The following MAF variants were observed in gnomAD, a reference collection of about 807,000 sequenced individuals.
The protein encoded by MAF is transcription factor Maf.
A neutral mutation model predicts 22.0 loss-of-function variants in MAF; 10 were observed. The observed-to-expected ratio is 0.45, with a 90% CI of 0.28 to 0.77. The LOEUF (loss-of-function observed/expected upper bound fraction) is 0.77. Ranked by LOEUF, MAF falls within the 30% of genes least tolerant of loss-of-function variation. The pLI is 0.12. For synonymous variants in MAF, 337 were observed against 255.8 expected, an observed-to-expected ratio of 1.32 and a Z score of -3.03; for missense variants, 544 against 548.4, an observed-to-expected ratio of 0.99 and a Z score of 0.08.
At chr16:79,212,637 A>G in the MAF span, 1 of 150,774 alleles carries the variant, frequency 6.6e-6, no homozygotes, top group Non-Finnish European at 1.5e-5. Flanking sequence ...CTCGCATCCT[A>G]TGCTTAATAA....
At position 79,599,161 on chromosome 16, in the gene MAF, G is replaced by T. The variant is rs1267058889; in HGVS notation, c.742C>A (p.Pro248Thr). Reference protein sequence around the residue: ...GAAGAGGALHPHHAAGGLHFD... With the variant: ...GAAGAGGALHTHHAAGGLHFD... ...TGCAGGCCGCCGGCGGCGTGGTGCG[G>T]GTGCAGGGCGCCCCCCGCCCCCGCC... Residue 248 changes from proline to threonine, a missense_variant, in exon 1 of 2, where the codon CCG (proline) becomes ACG (threonine). This residue lies in a region of MAF where 342 missense variants were observed against 315.5 expected (regional missense o/e 1.08). Transcript: ENST00000326043. The T allele has an allele frequency of 1.5e-5, 22 of 1,437,980 alleles. No individual in the cohort carries two copies. The highest frequency in any genetic ancestry group is 2.8e-5 in the East Asian group (1 of 36,038). The allele number at this position is 1,437,980 out of a possible 1,614,324, so 89.1% of individuals were successfully genotyped here.
the MAF span, among the ~76,000 whole-genome samples, chr16:79,477,563 G>C: frequency 1.3e-5 from 2 of 152,134 alleles, no homozygotes; most frequent in African/African-American, 4.8e-5. Context: ...GGTCACAGTT[G>C]CCTTATGAAC....
At chr16:79,307,218 C>T in the MAF span, among the ~76,000 whole-genome samples, 1 of 152,338 alleles carries the variant, frequency 6.6e-6, no homozygotes, top group African/African-American at 2.4e-5. Flanking sequence ...GCTCTGACCT[C>T]ACACGAGCTG....
the MAF span, among the ~76,000 whole-genome samples, chr16:79,501,392 T>C: frequency 2.6e-5 from 4 of 152,166 alleles, no homozygotes; most frequent in African/African-American, 9.7e-5. Context: ...TCCAAATAAG[T>C]TCACATTCTG....
At chr16:79,314,494 G>C in the MAF span, among the ~76,000 whole-genome samples, 1 of 152,198 alleles carries the variant, frequency 6.6e-6, no homozygotes, top group South Asian at 2.1e-4. Context: ...TCAGGGGTCA[G>C]CTTTCCCCAG....
At chr16:79,461,801 C>T in the MAF span, among the ~76,000 whole-genome samples, 131 of 152,252 alleles carry the variant, frequency 8.6e-4, no homozygotes, top group East Asian at 4.6e-3. Context: ...CCTATGTAAG[C>T]GAGACCCATC....
the MAF span, among the ~76,000 whole-genome samples, chr16:79,346,315 T>A: frequency 6.6e-6 from 1 of 152,090 alleles, no homozygotes; most frequent in East Asian, 1.9e-4. Flanking sequence ...CTGAGAATGA[T>A]GGTTTCCAGC....
chr16:79,368,948 G>A, the MAF span, among the ~76,000 whole-genome samples: 1 of 152,114 alleles, frequency 6.6e-6, no homozygotes, highest in African/African-American at 2.4e-5. Flanking sequence ...ACCATAAGTT[G>A]TTTTTTGTTG....
At chr16:79,431,753 C>T in the MAF span, among the ~76,000 whole-genome samples, 7 of 152,192 alleles carry the variant, frequency 4.6e-5, no homozygotes, top group African/African-American at 1.7e-4. Context: ...AAGATCAGGA[C>T]TTTTCTGCAC....
chr16:79,320,213 G>A, the MAF span, among the ~76,000 whole-genome samples: 2 of 152,288 alleles, frequency 1.3e-5, no homozygotes, highest in Non-Finnish European at 2.9e-5. Context: ...GTGACAGAGT[G>A]ATCTTTGTCT....
the MAF span, among the ~76,000 whole-genome samples, chr16:79,513,334 G>A: frequency 0.22 from 32,942 of 152,200 alleles, 4,051 homozygotes; most frequent in Non-Finnish European, 0.29. Flanking sequence ...GGCCAAAAGC[G>A]TGTCACAAAA....
chr16:79,524,719 G>T, the MAF span, among the ~76,000 whole-genome samples: 2 of 152,296 alleles, frequency 1.3e-5, no homozygotes, highest in African/African-American at 4.8e-5. Flanking sequence ...AAATCATTCT[G>T]TTATCATCTA....
At chr16:79,211,831 C>A in the MAF span, 1 of 1,613,006 alleles carries the variant, frequency 6.2e-7, no homozygotes, top group South Asian at 1.1e-5. Context: ...ACACACCCGC[C>A]CTGTGTGTGT....
At chr16:79,264,284 A>G in the MAF span, among the ~76,000 whole-genome samples, 1 of 152,218 alleles carries the variant, frequency 6.6e-6, no homozygotes, top group Non-Finnish European at 1.5e-5. Flanking sequence ...TAAGGGAACT[A>G]AAAACAACTG....
chr16:79,584,446 C>T (rs968523164), downstream of MAF, among the ~76,000 whole-genome samples: 1 of 152,190 alleles, frequency 6.6e-6, no homozygotes, highest in African/African-American at 2.4e-5. Flanking sequence ...CTCTTCCTTG[C>T]TCTCACCTGT....
chr16:79,439,337 C>G, the MAF span, among the ~76,000 whole-genome samples: 2 of 149,328 alleles, frequency 1.3e-5, no homozygotes, highest in Non-Finnish European at 1.5e-5. Context: ...TCTTGGCTCA[C>G]TGCAAGCTCT....
At chr16:79,439,867 A>G in the MAF span, among the ~76,000 whole-genome samples, 3 of 152,330 alleles carry the variant, frequency 2.0e-5, no homozygotes, top group Admixed American at 2.0e-4. Flanking sequence ...CAATATATTA[A>G]TCACAGAAAA....
At position 79,599,437 on chromosome 16, in the gene MAF, C is replaced by G; in HGVS notation, c.466G>C (p.Glu156Gln). Residue 156 changes from glutamate to glutamine, a missense_variant, in exon 1 of 2, where the codon GAG (glutamate) becomes CAG (glutamine). By Grantham distance (29) the Glu-to-Gln change is conservative. This residue lies in a region of MAF where 342 missense variants were observed against 315.5 expected (regional missense o/e 1.08). Transcript: ENST00000326043. The part of the protein sequence containing the change: ...AGASLGGSGE[E>Q]MGPAAAVVSA... Reference sequence around the variant, plus strand: ...ACCACGGCGGCGGCGGGGCCCATCTCCTCGCCGCTGCCGCCCAAGGAGGCG... The same window carrying G: ...ACCACGGCGGCGGCGGGGCCCATCTGCTCGCCGCTGCCGCCCAAGGAGGCG... 8.1e-7 allele frequency: 1 copy of G among 1,238,682 alleles called. No homozygotes were observed. The highest frequency in any genetic ancestry group is 1.6e-5 in the African/African-American group (1 of 63,528). The allele number at this position is 1,238,682 out of a possible 1,614,324, so 76.7% of individuals were successfully genotyped here. A position where few individuals can be genotyped will look rare whatever the true frequency, so the allele number is the denominator to read the frequency against.
chr16:79,221,969 G>A, the MAF span, among the ~76,000 whole-genome samples: 4 of 152,108 alleles, frequency 2.6e-5, no homozygotes, highest in Non-Finnish European at 5.9e-5. Flanking sequence ...CACAGACAGA[G>A]AAACGTTTTT....
Sources: gnomAD v4.1 joint callset for allele counts (sites outside exome capture counted in the v4.1 genomes callset) on GRCh38, gnomAD v4.1.1 for gene constraint, gnomAD v4.1.1 regional missense constraint, MANE v1.5 for transcripts, NCBI Gene and HGNC (gene_info 2026-07-23, HGNC 2026-07-21) for gene names.